Variants in CDK14 observed in about 807,000 individuals in gnomAD.
CDK14 encodes the protein cyclin-dependent kinase 14.
Under a neutral mutation model 60.7 loss-of-function variants are expected in CDK14, and 34 were observed. The observed-to-expected ratio is 0.56, with a 90% CI of 0.43 to 0.75. The LOEUF is 0.75. CDK14 is among the 30% of genes least tolerant of loss of function. The probability of loss-of-function intolerance (pLI) is 0.00; values close to 1 mark genes in which losing one functional copy is unlikely to be tolerated. For missense variants in CDK14, 482 were observed against 564.1 expected (o/e 0.85, Z 1.47); for synonymous variants, 197 against 203.7 (o/e 0.97, Z 0.28).
In CDK14 at chr7:90,799,456, G is replaced by A. The variant is rs184928972; in HGVS notation, c.544+8804G>A. The stretch of plus-strand genomic sequence containing the variant: ...TAATCCCAGTACTTTGGGAGGCGGA[G>A]GCAGGCGGATCACCTGAGGTCAGGA... On this transcript the variant is annotated intron_variant, in intron 5 of 14. Transcript: ENST00000380050. Among the ~76,000 whole-genome samples the A allele has an allele frequency of 5.1e-3, 769 of 152,162 alleles. 23 individuals are homozygous for A. The highest frequency in any genetic ancestry group is 0.046 in the Admixed American group (706 of 15,278).
chr7:90,781,897 C>T (rs952483684), intron 4 of CDK14, among the ~76,000 whole-genome samples: 7 of 151,996 alleles, frequency 4.6e-5, no homozygotes, highest in South Asian at 4.1e-4. Flanking sequence ...CTTGGTGATG[C>T]GGGCTCTTTT....
At chr7:91,037,760 C>T (rs1449410509) in intron 10 of CDK14, among the ~76,000 whole-genome samples, 1 of 151,918 alleles carries the variant, frequency 6.6e-6, no homozygotes, top group Admixed American at 6.6e-5. Flanking sequence ...TGGCTAAAAT[C>T]GACATATGCT....
intron 10 of CDK14, among the ~76,000 whole-genome samples, chr7:91,020,400 C>T (rs1359810541): frequency 6.6e-6 from 1 of 152,138 alleles, no homozygotes; most frequent in Non-Finnish European, 1.5e-5. Context: ...AGGCATTGTC[C>T]TAGGTAATGA....
chr7:90,982,822 C>T (rs1375254065), intron 9 of CDK14, among the ~76,000 whole-genome samples: 1 of 151,864 alleles, frequency 6.6e-6, no homozygotes, highest in Non-Finnish European at 1.5e-5. Context: ...GTGTACGTCA[C>T]CTAGATAGCT....
intron 14 of CDK14, among the ~76,000 whole-genome samples, chr7:91,141,833 T>C (rs911969675): frequency 2.0e-5 from 3 of 149,950 alleles, no homozygotes; most frequent in African/African-American, 7.3e-5. Context: ...GTTGCTGTTG[T>C]TCTTTTTTTT....
intron 11 of CDK14, among the ~76,000 whole-genome samples, chr7:91,070,008 G>A (rs576449332): frequency 6.6e-6 from 1 of 152,228 alleles, no homozygotes; most frequent in South Asian, 2.1e-4. Flanking sequence ...TGTTGGCCAA[G>A]CTGGTTGCAA....
At chr7:90,752,749 A>G (rs1803897377) in intron 4 of CDK14, among the ~76,000 whole-genome samples, 2 of 152,130 alleles carry the variant, frequency 1.3e-5, no homozygotes, top group African/African-American at 4.8e-5. Context: ...AAAGATCAAT[A>G]GAACACTAAT....
intron 2 of CDK14, among the ~76,000 whole-genome samples, chr7:90,605,796 A>G (rs1051447379): frequency 1.3e-5 from 2 of 152,198 alleles, no homozygotes; most frequent in African/African-American, 4.8e-5. Context: ...CTTTGATATG[A>G]TAACATTATA....
chr7:91,137,496 G>C (rs1800314950), intron 14 of CDK14, among the ~76,000 whole-genome samples: 1 of 152,070 alleles, frequency 6.6e-6, no homozygotes, highest in Admixed American at 6.6e-5. Flanking sequence ...AGGCTCCATT[G>C]AAAAAATAAA....
chr7:90,651,521 C>T (rs1025919880), intron 2 of CDK14, among the ~76,000 whole-genome samples: 9 of 152,138 alleles, frequency 5.9e-5, no homozygotes, highest in Non-Finnish European at 1.0e-4. Flanking sequence ...TCTCTTAACA[C>T]CTGTATAATC....
chr7:90,833,470 A>G (rs1458506848), intron 5 of CDK14, among the ~76,000 whole-genome samples: 1 of 152,178 alleles, frequency 6.6e-6, no homozygotes, highest in African/African-American at 2.4e-5. Flanking sequence ...GGGGCACAAG[A>G]AAAGTTATAA....
chr7:91,053,537 A>G (rs2116064318), intron 11 of CDK14, among the ~76,000 whole-genome samples: 1 of 152,284 alleles, frequency 6.6e-6, no homozygotes, highest in Middle Eastern at 3.4e-3. Flanking sequence ...CTTGCTAGGT[A>G]TGGGCATATT....
At chr7:91,170,612 TTTG>T (rs1485011117) in intron 14 of CDK14, among the ~76,000 whole-genome samples, 2 of 152,202 alleles carry the variant, frequency 1.3e-5, no homozygotes, top group East Asian at 3.9e-4. Flanking sequence ...TGAAAATTGA[TTTG>T]TTAATTAAAA....
chr7:90,647,896 C>G (rs28632072), intron 2 of CDK14, among the ~76,000 whole-genome samples: 42 of 152,214 alleles, frequency 2.8e-4, no homozygotes, highest in African/African-American at 9.6e-4. Flanking sequence ...ATTTATGAAG[C>G]TAGAAGATTG....
rs80187901 is a variant in CDK14, at chr7:91,107,381, A to G, written c.1155-5161A>G. ...GACATTCTAGTCAGTATGACCTTAAATGAATGTTAAAGGAAATTTAAAAGT... is the reference window on the plus strand; with the variant it reads ...GACATTCTAGTCAGTATGACCTTAAGTGAATGTTAAAGGAAATTTAAAAGT... On this transcript the variant is annotated intron_variant, in intron 12 of 14. Coordinates refer to ENST00000380050, the MANE Select transcript of CDK14 (RefSeq NM_001287135.2). 7.0e-3 allele frequency: 1,066 copies of G among 152,334 alleles called. 17 individuals carry two copies. The highest frequency in any genetic ancestry group is 0.025 in the African/African-American group (1,029 of 41,574). The allele number at this position is 152,334 out of a possible 1,614,324, so 9.4% of individuals were successfully genotyped here.
chr7:91,158,122 ATATATACAT>A (rs1243634538), intron 14 of CDK14, among the ~76,000 whole-genome samples: 9 of 148,090 alleles, frequency 6.1e-5, no homozygotes, highest in South Asian at 4.2e-4. Flanking sequence ...TATAAACAGT[ATATATACAT>A]TATATACATT....
At chr7:90,617,261 C>G (rs1486559129) in intron 2 of CDK14, among the ~76,000 whole-genome samples, 1 of 151,134 alleles carries the variant, frequency 6.6e-6, no homozygotes, top group Non-Finnish European at 1.5e-5. Context: ...GCTCAGAGTC[C>G]CTTAGCTAGA....
chr7:91,134,404 C>T (rs994094911), intron 14 of CDK14, among the ~76,000 whole-genome samples: 12 of 152,198 alleles, frequency 7.9e-5, no homozygotes, highest in South Asian at 4.2e-4. Context: ...GTCCACTGCC[C>T]GCTTGCCCAG....
chr7:90,818,181 T>A (rs1789422907), intron 5 of CDK14, among the ~76,000 whole-genome samples: 1 of 152,208 alleles, frequency 6.6e-6, no homozygotes, highest in Non-Finnish European at 1.5e-5. Flanking sequence ...CTAGCATAAC[T>A]GTGAATGTGT....
Sources: gnomAD v4.1 joint callset for allele counts (sites outside exome capture counted in the v4.1 genomes callset) on GRCh38, gnomAD v4.1.1 for gene constraint, MANE v1.5 for transcripts, NCBI Gene and HGNC (gene_info 2026-07-23, HGNC 2026-07-21) for gene names.